The following ZMAT2 variants were observed in gnomAD, a reference collection of about 807,000 sequenced individuals.
ZMAT2 encodes the protein zinc finger matrin-type 2, also known as zinc finger matrin-type protein 2.
Under a neutral mutation model 27.5 loss-of-function variants are expected in ZMAT2, and 5 were observed. The observed-to-expected ratio is 0.18, with a 90% CI of 0.10 to 0.38. The LOEUF (loss-of-function observed/expected upper bound fraction) is 0.38. Ranked by LOEUF, ZMAT2 falls within the 10% of genes least tolerant of loss-of-function variation. The pLI, the probability that ZMAT2 is intolerant of heterozygous loss-of-function variation, is 1.00. For synonymous variants in ZMAT2, 76 were observed against 78.6 expected, an observed-to-expected ratio of 0.97 and a Z score of 0.17; for missense variants, 124 against 243.9, an observed-to-expected ratio of 0.51 and a Z score of 3.27.
rs759321632 is a variant in ZMAT2, at chr5:140,704,423, C to T, written c.311-3C>T. On this transcript the variant is annotated splice_region_variant and splice_polypyrimidine_tract_variant and intron_variant, in intron 4 of 5. Transcript: ENST00000274712. Reference sequence around the variant, plus strand: ...TGCCTTCTTCACTGTTGACCCTATGCAGATCAGAGAAACCTGGGCATGTCT... The same window carrying T: ...TGCCTTCTTCACTGTTGACCCTATGTAGATCAGAGAAACCTGGGCATGTCT... The T allele has an allele frequency of 1.4e-5, 23 of 1,612,498 alleles. No individual in the cohort carries two copies. The highest frequency in any genetic ancestry group is 3.3e-4 in the Middle Eastern group (2 of 6,050).
chr5:140,702,115 A>G lies in ZMAT2; in HGVS notation c.222A>G (p.Gln74=), dbSNP rs769269186. The G allele has an allele frequency of 9.3e-6, 15 of 1,612,578 alleles. No individual in the cohort carries two copies. Among genetic ancestry groups the G allele is most frequent in the Middle Eastern group, 1.6e-4 (1 of 6,080 alleles). Reference sequence around the variant, plus strand: ...TTGTCATTACCAAGACAACCCCTCAATCTGAGATGGGAGGGTGAGTTGCTT... The same window carrying G: ...TTGTCATTACCAAGACAACCCCTCAGTCTGAGATGGGAGGGTGAGTTGCTT... ...KTIVITKTTP[Q]SEMGGYYCNV... is the part of the protein sequence containing the mutation. Residue 74 remains glutamine (Q), a synonymous_variant, in exon 3 of 6, where the codon CAA becomes CAG. Coordinates refer to ENST00000274712, the MANE Select transcript of ZMAT2 (RefSeq NM_144723.3).
chr5:140,705,497 A>G (rs1760039399), intron 5 of ZMAT2, 116 bp from the exon 6 acceptor site: 1 of 1,250,004 alleles, frequency 8.0e-7, no homozygotes, highest in Non-Finnish European at 1.1e-6. Flanking sequence ...CTTAATATAC[A>G]TGAAGTACTC....
rs1161410235 is a variant in ZMAT2, at chr5:140,700,460, G to A, written c.-1G>A. 2 of 1,613,050 alleles carry A rather than the reference G, an allele frequency of 1.2e-6. No homozygotes were observed. Among genetic ancestry groups the A allele is most frequent in the Non-Finnish European group, 1.7e-6 (2 of 1,179,944 alleles). On this transcript the variant is annotated 5_prime_UTR_variant, in exon 1 of 6. Transcript: ENST00000274712. Reference sequence around the variant, plus strand: ...AGCTCGCCATTCACTTCGCTGTGAAGATGGCGTCGGGCAGCGGGGTAGGTG... The same window carrying A: ...AGCTCGCCATTCACTTCGCTGTGAAAATGGCGTCGGGCAGCGGGGTAGGTG...
chr5:140,700,682 C>T, intron 1 of ZMAT2, 137 bp from the exon 2 acceptor site: 2 of 1,270,126 alleles, frequency 1.6e-6, no homozygotes, highest in Middle Eastern at 5.5e-4. Context: ...TTGAGGCTAC[C>T]TCAGTCTTCT....
Position 140,700,512 on chromosome 5 carries a change from G to C in ZMAT2, c.18+34G>C, listed in dbSNP as rs375984617. ...TGTGTCTGAGGAGGAGGTTTTGCGG[G>C]GTGGGGAATGGTTTTTCAGACCTGA... On this transcript the variant is annotated intron_variant, in intron 1 of 5. Coordinates refer to ENST00000274712, the MANE Select transcript of ZMAT2 (RefSeq NM_144723.3). The C allele has an allele frequency of 2.4e-5, 38 of 1,612,336 alleles. No homozygotes were observed. The African/African-American group carries it at 4.0e-4, about 17-fold the overall frequency.
Position 140,705,828 on chromosome 5 carries a change from G to T in ZMAT2, c.*72G>T. ...TGCGTGTGTGTGTGTGTAGTAGGGG[G>T]TCATTTCTTTTTGGGTAATGGGAAA... On this transcript the variant is annotated 3_prime_UTR_variant, in exon 6 of 6. Transcript: ENST00000274712. The T allele has an allele frequency of 6.4e-7, 1 of 1,552,790 alleles. No individual in the cohort carries two copies. The highest frequency in any genetic ancestry group is 1.2e-5 in the South Asian group (1 of 84,546).
chr5:140,703,564 CA>C (rs1363444170), intron 3 of ZMAT2, among the ~76,000 whole-genome samples: 1 of 152,194 alleles, frequency 6.6e-6, no homozygotes, highest in Non-Finnish European at 1.5e-5. Context: ...AGACTGCTCA[CA>C]ATAAAGCAAC....
At chr5:140,703,822 C>T in intron 3 of ZMAT2, 96 bp from the exon 4 acceptor site, 3 of 1,168,222 alleles carry the variant, frequency 2.6e-6, no homozygotes, top group Non-Finnish European at 3.8e-6. Context: ...CTTAACACTT[C>T]TAAAAAGAAG....
At chr5:140,703,544 C>G (rs577168803) in intron 3 of ZMAT2, among the ~76,000 whole-genome samples, 1 of 152,146 alleles carries the variant, frequency 6.6e-6, no homozygotes, top group African/African-American at 2.4e-5. Context: ...ACCCCATAGA[C>G]CTTTCTATAA....
intron 5 of ZMAT2, among the ~76,000 whole-genome samples, chr5:140,705,362 T>C (rs867320518): frequency 8.2e-4 from 124 of 151,848 alleles, no homozygotes; most frequent in African/African-American, 2.7e-3. Context: ...TAAATGTACC[T>C]AGTCCTAAAG....
rs139045038 is a variant in ZMAT2, at chr5:140,703,798, T to C, written c.237-120T>C. On this transcript the variant is annotated intron_variant, in intron 3 of 5. Transcript: ENST00000274712. ...TATACTCTCTCGAAAGCTAAGGCTT[T>C]ATAGAAATGAAGGCTTAACACTTCT... 30 of 894,190 alleles carry C rather than the reference T, an allele frequency of 3.4e-5. No homozygotes were observed. In the African/African-American group the frequency reaches 4.5e-4, roughly 13 times the overall value. The allele number at this position is 894,190 out of a possible 1,614,324, so 55.4% of individuals were successfully genotyped here.
At chr5:140,701,962 G>A (rs199497706) in intron 2 of ZMAT2, 44 bp from the exon 3 acceptor site, 24 of 1,553,634 alleles carry the variant, frequency 1.5e-5, no homozygotes, top group Non-Finnish European at 1.8e-5. Flanking sequence ...TTCTGGTTGA[G>A]GAACTATAAT....
In ZMAT2 at chr5:140,702,029, CG is replaced by C; in HGVS notation, c.137del (p.Arg46GlnfsTer44). ...AGGAAAACCAGTGCAGCCTGTCAAG[CG>C]AGAGCTTTTACGGCATAGGGACTAC... ...KDGKPVQPVK[R>X]ELLRHRDYKV... On this transcript the variant is annotated frameshift_variant, in exon 3 of 6. Transcript: ENST00000274712. LOFTEE classifies it high-confidence loss of function. 1 of 1,612,002 alleles carries C rather than the reference CG, an allele frequency of 6.2e-7. No individual in the cohort carries two copies. Among genetic ancestry groups the C allele is most frequent in the Non-Finnish European group, 8.5e-7 (1 of 1,179,082 alleles).
In ZMAT2 at chr5:140,702,058, G is replaced by A. The variant is rs554590948; in HGVS notation, c.165G>A (p.Lys55=). Residue 55 remains lysine, a synonymous_variant, in exon 3 of 6, where the codon AAG becomes AAA. Coordinates refer to ENST00000274712, the MANE Select transcript of ZMAT2 (RefSeq NM_144723.3). ...AGCTTTTACGGCATAGGGACTACAA[G>A]GTGGACTTGGAATCCAAGCTTGGGA... The part of the protein sequence containing the change: ...KRELLRHRDY[K]VDLESKLGKT... The A allele has an allele frequency of 8.1e-6, 13 of 1,613,508 alleles. No homozygotes were observed. Among genetic ancestry groups the A allele is most frequent in the African/African-American group, 6.7e-5 (5 of 75,032 alleles).
intron 2 of ZMAT2, among the ~76,000 whole-genome samples, chr5:140,701,696 G>A (rs55647833): frequency 3.0e-4 from 46 of 152,188 alleles, no homozygotes; most frequent in Admixed American, 2.6e-3. Context: ...CCTTGCTCCC[G>A]TTTTGAAAAA....
chr5:140,701,889 C>T, intron 2 of ZMAT2, 117 bp from the exon 3 acceptor site: 1 of 1,304,466 alleles, frequency 7.7e-7, no homozygotes, highest in Non-Finnish European at 1.0e-6. Flanking sequence ...CTGTTGTGTC[C>T]TTTCAGGAAT....
intron 5 of ZMAT2, among the ~76,000 whole-genome samples, chr5:140,705,257 G>T (rs1581561051): frequency 1.3e-5 from 2 of 151,802 alleles, no homozygotes; most frequent in East Asian, 1.9e-4. Flanking sequence ...AATTGAGAGG[G>T]AGTTATAAAG....
chr5:140,705,317 ATTT>A (rs35355544), intron 5 of ZMAT2, among the ~76,000 whole-genome samples: 1 of 145,448 alleles, frequency 6.9e-6, no homozygotes. Context: ...CTCCCCCATA[ATTT>A]TTTTTTTTTT....
Position 140,702,124 on chromosome 5 carries a change from G to C in ZMAT2, c.231G>C (p.Met77Ile). 1 of 1,611,402 alleles carries C rather than the reference G, an allele frequency of 6.2e-7. No homozygotes were observed. The highest frequency in any genetic ancestry group is 1.3e-5 in the African/African-American group (1 of 74,960). ...CCAAGACAACCCCTCAATCTGAGAT[G>C]GGAGGGTGAGTTGCTTATCATTTTT... ...VITKTTPQSEMGGYYCNVCDC... is the reference protein window; with the variant it reads ...VITKTTPQSEIGGYYCNVCDC... Residue 77 changes from methionine to isoleucine, a missense_variant, in exon 3 of 6, where the codon ATG becomes ATC. Met to Ile is a conservative substitution (Grantham distance 10). Coordinates refer to ENST00000274712, the MANE Select transcript of ZMAT2 (RefSeq NM_144723.3).
Sources: gnomAD v4.1 joint callset for allele counts (sites outside exome capture counted in the v4.1 genomes callset) on GRCh38, gnomAD v4.1.1 for gene constraint, MANE v1.5 for transcripts, NCBI Gene and HGNC (gene_info 2026-07-23, HGNC 2026-07-21) for gene names.